Variants in USP32 observed in about 807,000 individuals in gnomAD.
USP32 encodes the protein ubiquitin carboxyl-terminal hydrolase 32.
In USP32, 59 loss-of-function variants were observed where a neutral mutation model predicts 204.8. The ratio of observed to expected loss-of-function variants is 0.29; its 90% CI spans 0.23 to 0.36. The LOEUF (loss-of-function observed/expected upper bound fraction) is 0.36. USP32 is among the 10% of genes least tolerant of loss of function. The probability of loss-of-function intolerance (pLI) is 1.00; values close to 1 mark genes in which losing one functional copy is unlikely to be tolerated. For missense variants in USP32, 1,160 were observed against 1,946.4 expected (o/e 0.60, Z 7.60); for synonymous variants, 517 against 678.4 (o/e 0.76, Z 3.70).
chr17:60,385,074 T>C (rs1446410693), intron 1 of USP32, among the ~76,000 whole-genome samples: 1 of 152,186 alleles, frequency 6.6e-6, no homozygotes, highest in East Asian at 1.9e-4. Context: ...GAAGTGAAAA[T>C]GGCAGGTTCC....
chr17:60,237,304 A>ATTT (rs34988306), intron 11 of USP32, among the ~76,000 whole-genome samples: 2 of 131,026 alleles, frequency 1.5e-5, no homozygotes, highest in Non-Finnish European at 3.3e-5. Flanking sequence ...TGCCCAGCTA[A>ATTT]TTTTTTTTTT....
intron 11 of USP32, among the ~76,000 whole-genome samples, chr17:60,241,159 G>A (rs567342790): frequency 2.4e-4 from 36 of 152,186 alleles, no homozygotes; most frequent in African/African-American, 7.9e-4. Flanking sequence ...CACCATGGCC[G>A]GCTAATTTTT....
Position 60,179,266 on chromosome 17 carries a change from C to T in USP32, c.4804G>A (p.Val1602Met). Residue 1602 changes from valine (V) to methionine (M), a missense_variant, in exon 34 of 34, where the codon GTG becomes ATG. Around this residue, in one of 8 missense-constraint regions of USP32, gnomAD observed 3 missense variants for 17.0 expected, o/e 0.18. Transcript: ENST00000300896. Reference protein sequence around the residue: ...DFESDYKKYCVLQ With the variant: ...DFESDYKKYCMLQ ...CCAGAGTGGTAGCTTTACTGTAACA[C>T]ACAGTACTTTTTGTAATCAGACTCA... The T allele has an allele frequency of 1.2e-6, 2 of 1,613,892 alleles. No homozygotes were observed. The highest frequency in any genetic ancestry group is 1.7e-6 in the Non-Finnish European group (2 of 1,179,806).
intron 1 of USP32, among the ~76,000 whole-genome samples, chr17:60,408,042 G>A (rs1454531610): frequency 6.6e-6 from 1 of 151,938 alleles, no homozygotes; most frequent in Admixed American, 6.6e-5. Context: ...AGATTGCAGT[G>A]AGCTGAGATG....
chr17:60,208,195 C>T lies in USP32; in HGVS notation c.2789G>A (p.Gly930Asp). The T allele has an allele frequency of 1.3e-6, 2 of 1,559,644 alleles. No individual in the cohort carries two copies. Among genetic ancestry groups the T allele is most frequent in the Non-Finnish European group, 1.7e-6 (2 of 1,156,762 alleles). ...HLEITVIKLDGTTPVRYGLRL... is the reference protein window; with the variant it reads ...HLEITVIKLDDTTPVRYGLRL... ...TAGTCCATACCGTACAGGGGTAGTA[C>T]CATCTAACTTAATCACTAGTAAAGA... is the stretch of plus-strand genomic sequence containing the variant. The change falls in exon 24 of 34, where the codon GGT becomes GAT. Residue 930 changes from glycine (G) to aspartate (D), a missense_variant. By Grantham distance (94) the Gly-to-Asp change is moderately conservative. This residue lies in a region of USP32 where 132 missense variants were observed against 432.8 expected (regional missense o/e 0.30). Coordinates refer to ENST00000300896, the MANE Select transcript of USP32 (RefSeq NM_032582.4).
chr17:60,269,576 T>C lies in USP32; in HGVS notation c.704-19A>G. The C allele has an allele frequency of 6.4e-7, 1 of 1,572,608 alleles. No individual in the cohort carries two copies. The highest frequency in any genetic ancestry group is 8.7e-7 in the Non-Finnish European group (1 of 1,155,510). ...AACAAACCTGTAAAATAGGAAGAGA[T>C]GCCATAAATCACAGCCAAGCTTCCT... On this transcript the variant is annotated intron_variant, in intron 6 of 33. Transcript: ENST00000300896.
chr17:60,325,242 T>C (rs1399398512), intron 2 of USP32, among the ~76,000 whole-genome samples: 1 of 151,904 alleles, frequency 6.6e-6, no homozygotes, highest in South Asian at 2.1e-4. Context: ...GGTGAAACCC[T>C]GTCTCTACAA....
rs200213426 is a variant in USP32 at position 60,212,015 on chromosome 17, G to C, written c.2179+9C>G. On this transcript the variant is annotated intron_variant, in intron 19 of 33. Coordinates refer to ENST00000300896, the MANE Select transcript of USP32 (RefSeq NM_032582.4). ...ATAATCTCTTTAAAAAATAATACTG[G>C]AGACTTACCCTTGTGTCTATCTATT... 2.8e-4 allele frequency: 433 copies of C among 1,547,664 alleles called. No homozygotes were observed. The African/African-American group carries it at 4.4e-3, about 16-fold the overall frequency.
At position 60,206,260 on chromosome 17, in the gene USP32, T is replaced by A. The variant is rs1178705223; in HGVS notation, c.3038-602A>T. On this transcript the variant is annotated intron_variant, in intron 25 of 33. Coordinates refer to ENST00000300896, the MANE Select transcript of USP32 (RefSeq NM_032582.4). ...TCAGCCCATAAGGCAGAGTCTGCAG[T>A]GAGCCAAGATGATGCCACTGCACTC... Among the ~76,000 whole-genome samples the A allele has an allele frequency of 4.8e-5, 7 of 145,190 alleles. No individual in the cohort carries two copies. In the East Asian group the frequency reaches 9.6e-4, roughly 20 times the overall value.
At chr17:60,334,677 G>A (rs1598259065) in intron 2 of USP32, among the ~76,000 whole-genome samples, 1 of 142,552 alleles carries the variant, frequency 7.0e-6, no homozygotes, top group Non-Finnish European at 1.5e-5. Context: ...GGGCAACAAA[G>A]CGAGACTCCG....
chr17:60,264,857 C>CAAAAAAAAAAA (rs34027846), intron 9 of USP32, among the ~76,000 whole-genome samples: 3 of 43,514 alleles, frequency 6.9e-5, no homozygotes, highest in African/African-American at 2.6e-4. Context: ...AAGACTCTGT[C>CAAAAAAAAAAA]AAAAAAAAAA....
chr17:60,250,434 T>C (rs932271737), intron 11 of USP32, among the ~76,000 whole-genome samples: 1 of 152,158 alleles, frequency 6.6e-6, no homozygotes, highest in East Asian at 1.9e-4. Flanking sequence ...CCTCAGAATA[T>C]ATTACTATAA....
intron 31 of USP32, 110 bp from the exon 32 acceptor site, chr17:60,181,858 A>G (rs2084121006): frequency 6.7e-7 from 1 of 1,482,792 alleles, no homozygotes; most frequent in African/African-American, 1.4e-5. Flanking sequence ...AAAGGTAAAG[A>G]CAGGGCAGTC....
At chr17:60,397,614 G>A (rs1168055650) in intron 1 of USP32, among the ~76,000 whole-genome samples, 2 of 152,048 alleles carry the variant, frequency 1.3e-5, no homozygotes, top group African/African-American at 4.8e-5. Flanking sequence ...CTCCCGCCTA[G>A]GCCTCCCAAA....
intron 1 of USP32, among the ~76,000 whole-genome samples, chr17:60,346,077 T>G: frequency 6.6e-6 from 1 of 152,286 alleles, no homozygotes; most frequent in Middle Eastern, 3.4e-3. Context: ...TTAGTCATAA[T>G]TCTAATATTT....
rs189904076 is a variant in USP32, at chr17:60,320,710, A to C, written c.187-19006T>G. Among the ~76,000 whole-genome samples the C allele has an allele frequency of 1.3e-3, 199 of 152,374 alleles. 1 individual carries two copies. Among genetic ancestry groups the C allele is most frequent in the African/African-American group, 4.5e-3 (186 of 41,592 alleles). On this transcript the variant is annotated intron_variant, in intron 2 of 33. Coordinates refer to ENST00000300896, the MANE Select transcript of USP32 (RefSeq NM_032582.4). Reference sequence around the variant, plus strand: ...CATTATTTGAGGATGTGCTGCACACAGTTATATAAACCTATTTAGTAATCA... The same window carrying C: ...CATTATTTGAGGATGTGCTGCACACCGTTATATAAACCTATTTAGTAATCA...
intron 1 of USP32, among the ~76,000 whole-genome samples, chr17:60,365,972 T>A (rs1033478194): frequency 1.2e-4 from 18 of 152,104 alleles, no homozygotes; most frequent in African/African-American, 4.3e-4. Context: ...GCTCCCTTTT[T>A]CTTGTTGTTG....
exon 1 of USP32, chr17:60,422,380 G>A (rs1311769865): frequency 2.3e-6 from 3 of 1,298,470 alleles, no homozygotes; most frequent in Non-Finnish European, 2.1e-6. Context: ...CCAGATCCCA[G>A]CTGGAGGGGC....
intron 29 of USP32, among the ~76,000 whole-genome samples, chr17:60,187,842 C>T (rs1271810678): frequency 6.6e-6 from 1 of 152,152 alleles, no homozygotes; most frequent in African/African-American, 2.4e-5. Context: ...TACTTATAGG[C>T]ACCCTCTTCT....
Sources: allele counts gnomAD v4.1 joint callset (sites outside exome capture counted in the v4.1 genomes callset), GRCh38; gene constraint gnomAD v4.1.1; regional missense constraint gnomAD v4.1.1; transcripts MANE v1.5; gene names NCBI Gene and HGNC (gene_info 2026-07-23, HGNC 2026-07-21).